SRBD1: variants seen among roughly 807,000 people sequenced by gnomAD.
The protein encoded by SRBD1 is S1 RNA-binding domain-containing protein 1.
Under a neutral mutation model 115.3 loss-of-function variants are expected in SRBD1, and 88 were observed. That is an observed-to-expected ratio of 0.76 (90% CI 0.64 to 0.91). The LOEUF is 0.91. Among genes scored for constraint, SRBD1 ranks in the 40% least tolerant of loss-of-function variants. The pLI, the probability that SRBD1 is intolerant of heterozygous loss-of-function variation, is 0.00. For missense variants in SRBD1, 1,385 were observed against 1,177.4 expected (o/e 1.18, Z -2.58); for synonymous variants, 509 against 407.7 (o/e 1.25, Z -2.99).
At chr2:45,589,182 CT>C (rs1169464746) in intron 4 of SRBD1, among the ~76,000 whole-genome samples, 1 of 152,146 alleles carries the variant, frequency 6.6e-6, no homozygotes, top group Non-Finnish European at 1.5e-5. Context: ...TTATTTTCTT[CT>C]TTTGTTTGAA....
In SRBD1 at chr2:45,501,371, C is replaced by T. The variant is rs559587694; in HGVS notation, c.1875-13040G>A. ...AACAGCTCCAGTCTACAGCTCCCTGCGTGAGCGACACAGAACACGGGTGAT... is the reference window on the plus strand; with the variant it reads ...AACAGCTCCAGTCTACAGCTCCCTGTGTGAGCGACACAGAACACGGGTGAT... On this transcript the variant is annotated intron_variant, in intron 14 of 20. Transcript: ENST00000263736. Among the ~76,000 whole-genome samples, 127 of 152,296 alleles carry T rather than the reference C, an allele frequency of 8.3e-4. 1 individual carries two copies. In the South Asian group the frequency reaches 0.025, roughly 30 times the overall value.
chr2:45,541,840 G>A (rs1416481054), intron 14 of SRBD1, among the ~76,000 whole-genome samples: 1 of 152,238 alleles, frequency 6.6e-6, no homozygotes, highest in East Asian at 1.9e-4. Flanking sequence ...CTGAGTCCAG[G>A]GTTTTTATGG....
intron 18 of SRBD1, among the ~76,000 whole-genome samples, chr2:45,417,307 A>G (rs772077655): frequency 6.6e-6 from 1 of 152,190 alleles, no homozygotes; most frequent in Non-Finnish European, 1.5e-5. Flanking sequence ...CTTCACACAT[A>G]TTGAATTACT....
intron 14 of SRBD1, among the ~76,000 whole-genome samples, chr2:45,495,826 C>A (rs1670440457): frequency 6.6e-6 from 1 of 152,088 alleles, no homozygotes; most frequent in South Asian, 2.1e-4. Flanking sequence ...CCTAAGGGGG[C>A]AGGGAATAAA....
intron 14 of SRBD1, among the ~76,000 whole-genome samples, chr2:45,545,001 C>T (rs993565337): frequency 1.3e-5 from 2 of 152,032 alleles, no homozygotes; most frequent in African/African-American, 4.8e-5. Flanking sequence ...AAAGATGAGG[C>T]CGGGCGCGGT....
At chr2:45,428,555 AAAAT>A (rs986693164) in intron 16 of SRBD1, among the ~76,000 whole-genome samples, 66 of 150,468 alleles carry the variant, frequency 4.4e-4, no homozygotes, top group Middle Eastern at 6.8e-3. Context: ...CCGTCTCAAA[AAAAT>A]AAATAAATAA....
intron 4 of SRBD1, among the ~76,000 whole-genome samples, chr2:45,595,012 T>C (rs1673849323): frequency 1.3e-5 from 2 of 152,220 alleles, no homozygotes; most frequent in African/African-American, 2.4e-5. Context: ...TGTTTCTGCT[T>C]TCATTAGTCC....
rs191966606 is a variant in SRBD1, at chr2:45,574,728, A to C, written c.1073-5T>G. On this transcript the variant is annotated splice_region_variant and splice_polypyrimidine_tract_variant and intron_variant, in intron 7 of 20. Coordinates refer to ENST00000263736, the MANE Select transcript of SRBD1 (RefSeq NM_018079.5). ...TATCCTGAAGCGTTGAAAGCCCTTT[A>C]GGAGAAGGGTAAAAAGGAAAACAAA... 1.1e-5 allele frequency: 17 copies of C among 1,603,446 alleles called. No individual in the cohort carries two copies. In the East Asian group the frequency reaches 3.8e-4, roughly 36 times the overall value.
At chr2:45,594,950 A>G (rs1450882493) in intron 4 of SRBD1, among the ~76,000 whole-genome samples, 1 of 152,094 alleles carries the variant, frequency 6.6e-6, no homozygotes, top group Non-Finnish European at 1.5e-5. Flanking sequence ...TTATTTTTCT[A>G]TTTTTCTGTC....
rs377055267 is a variant in SRBD1 at position 45,407,936 on chromosome 2, T to A, written c.2513+5178A>T. Among the ~76,000 whole-genome samples the A allele has an allele frequency of 9.9e-5, 15 of 151,876 alleles. No homozygotes were observed. The East Asian group carries it at 1.7e-3, about 18-fold the overall frequency. ...GACTTTCTTTAAACCACTAAATAACTCAGGCTATAAAATATCATAATCTCA... is the reference window on the plus strand; with the variant it reads ...GACTTTCTTTAAACCACTAAATAACACAGGCTATAAAATATCATAATCTCA... On this transcript the variant is annotated intron_variant, in intron 19 of 20. Coordinates refer to ENST00000263736, the MANE Select transcript of SRBD1 (RefSeq NM_018079.5).
intron 13 of SRBD1, 45 bp from the exon 14 acceptor site, chr2:45,546,884 T>C: frequency 3.9e-6 from 6 of 1,536,488 alleles, no homozygotes; most frequent in Non-Finnish European, 3.6e-6. Flanking sequence ...CAAGGCATGC[T>C]TTGAAATCAG....
intron 16 of SRBD1, among the ~76,000 whole-genome samples, chr2:45,428,632 A>T (rs1395633040): frequency 6.6e-6 from 1 of 152,172 alleles, no homozygotes; most frequent in Non-Finnish European, 1.5e-5. Context: ...ACAAAGACAC[A>T]ATGTACCAGA....
intron 14 of SRBD1, among the ~76,000 whole-genome samples, chr2:45,515,291 T>C (rs370908931): frequency 3.9e-5 from 6 of 152,178 alleles, no homozygotes; most frequent in African/African-American, 1.4e-4. Flanking sequence ...TTATCCCATA[T>C]AGTAGCTGAA....
intron 5 of SRBD1, 26 bp from the exon 6 acceptor site, chr2:45,581,836 A>C (rs1489759564): frequency 6.4e-7 from 1 of 1,555,302 alleles, no homozygotes. Flanking sequence ...TTTGTAATAT[A>C]CCAAAACTGT....
chr2:45,579,739 T>C, intron 7 of SRBD1, 136 bp downstream of exon 7: 1 of 1,073,142 alleles, frequency 9.3e-7, no homozygotes, highest in Non-Finnish European at 1.2e-6. Context: ...TGTCAGGATT[T>C]ATTTCAATTA....
chr2:45,606,542 A>G (rs1475223370), intron 1 of SRBD1, among the ~76,000 whole-genome samples: 4 of 152,218 alleles, frequency 2.6e-5, no homozygotes, highest in African/African-American at 7.2e-5. Flanking sequence ...TGACTGAGTA[A>G]GCAGCCAGGT....
intron 19 of SRBD1, among the ~76,000 whole-genome samples, chr2:45,412,891 T>C (rs1393823880): frequency 6.6e-6 from 1 of 152,156 alleles, no homozygotes; most frequent in Non-Finnish European, 1.5e-5. Flanking sequence ...ACTTCACCAT[T>C]AGTATCAGGG....
intron 16 of SRBD1, chr2:45,447,928 C>A (rs1668876868): frequency 6.6e-6 from 1 of 152,064 alleles, no homozygotes; most frequent in African/African-American, 2.4e-5. Flanking sequence ...CATACAACTA[C>A]TATACATTTA....
At chr2:45,527,082 A>T (rs1197052282) in intron 14 of SRBD1, among the ~76,000 whole-genome samples, 1 of 151,852 alleles carries the variant, frequency 6.6e-6, no homozygotes, top group Admixed American at 6.6e-5. Context: ...CATACCTTTT[A>T]TTTTTTATAT....
Sources: allele counts gnomAD v4.1 joint callset (sites outside exome capture counted in the v4.1 genomes callset), GRCh38; gene constraint gnomAD v4.1.1; transcripts MANE v1.5; gene names NCBI Gene and HGNC (gene_info 2026-07-23, HGNC 2026-07-21).